The following CFAP46 variants were observed in gnomAD, a reference collection of about 807,000 sequenced individuals.
The protein encoded by CFAP46 is cilia- and flagella-associated protein 46.
CFAP46 carries 245 observed loss-of-function variants against 325.7 expected under a neutral mutation model. The observed-to-expected ratio is 0.75, with a 90% CI of 0.68 to 0.84. The LOEUF is 0.84. Among genes scored for constraint, CFAP46 ranks in the 40% least tolerant of loss-of-function variants. The probability of loss-of-function intolerance (pLI) is 0.00; values close to 1 mark genes in which losing one functional copy is unlikely to be tolerated. For missense variants in CFAP46, 3,346 were observed against 3,543.0 expected (o/e 0.94, Z 1.41); for synonymous variants, 1,523 against 1,495.9 (o/e 1.02, Z -0.42).
intron 32 of CFAP46, among the ~76,000 whole-genome samples, chr10:132,871,932 T>G (rs1031930753): frequency 6.6e-6 from 1 of 152,254 alleles, no homozygotes. Flanking sequence ...GTGAAAGAGT[T>G]GATCCATGTG....
At chr10:132,819,492 G>A (rs1397229333) in intron 50 of CFAP46, among the ~76,000 whole-genome samples, 2 of 152,162 alleles carry the variant, frequency 1.3e-5, no homozygotes, top group Non-Finnish European at 2.9e-5. Context: ...TTGAAATTAT[G>A]CAACAAAGCT....
In CFAP46 at chr10:132,827,695, G is replaced by A. The variant is rs1423214695; in HGVS notation, c.7117+5663C>T. ...AAGTCATCGCCACAGCGAAGGTCAC[G>A]GCACACCCAGCCCCAGGAGCTTCCC... On this transcript the variant is annotated intron_variant, in intron 50 of 57. Transcript: ENST00000368586. This position sits in a 1 kb window ranked among gnomAD's most constrained non-coding sequence, Gnocchi z 5.7. 6.6e-6 allele frequency among the ~76,000 whole-genome samples: 1 copy of A among 151,998 alleles called. No individual in the cohort carries two copies. The highest frequency in any genetic ancestry group is 2.4e-5 in the African/African-American group (1 of 41,368).
chr10:132,892,734 C>T (rs1849271566), intron 24 of CFAP46, among the ~76,000 whole-genome samples: 1 of 152,230 alleles, frequency 6.6e-6, no homozygotes, highest in Admixed American at 6.5e-5. Context: ...TTCAGCGCCG[C>T]TTGAATCGAT....
chr10:132,916,420 G>A (rs1483110283), intron 17 of CFAP46, 129 bp downstream of exon 17: 35 of 999,044 alleles, frequency 3.5e-5, no homozygotes, highest in East Asian at 1.2e-4. Flanking sequence ...CGATGGACAC[G>A]TCCCCCACGC....
chr10:132,871,467 G>A (rs1490513076), intron 32 of CFAP46, among the ~76,000 whole-genome samples: 1 of 152,240 alleles, frequency 6.6e-6, no homozygotes, highest in Non-Finnish European at 1.5e-5. Flanking sequence ...CACCATTCTA[G>A]ATCCCATTAA....
intron 11 of CFAP46, among the ~76,000 whole-genome samples, chr10:132,923,220 CGCCCTGGCCTCG>C (rs1849755121): frequency 8.0e-6 from 1 of 124,722 alleles, no homozygotes; most frequent in African/African-American, 3.1e-5. Flanking sequence ...GTGCCCCGGA[CGCCCTGGCCTCG>C]AGCAGCCATG....
rs1353793831 is a variant in CFAP46, at chr10:132,929,578, T to C, written c.966+127A>G. On this transcript the variant is annotated intron_variant, in intron 9 of 57. Transcript: ENST00000368586. ...AACACAGGTAGGAAAGACGGCAATG[T>C]GCCAACCACGGACCGAAGCCCTGGG... 3 of 895,508 alleles carry C rather than the reference T, an allele frequency of 3.4e-6. No homozygotes were observed. In the Admixed American group the frequency reaches 5.1e-5, roughly 15 times the overall value. 55.5% of individuals were successfully genotyped at this position (895,508 alleles called of 1,614,324 possible).
intron 35 of CFAP46, among the ~76,000 whole-genome samples, chr10:132,863,858 AGAGACCTGCACACACCTGTCCCCCT>A (rs1234930750): frequency 6.0e-4 from 72 of 120,672 alleles, no homozygotes; most frequent in South Asian, 3.5e-3. Flanking sequence ...CCCTGCTATC[AGAGACCTGCACACACCTGTCCCCCT>A]GAGACCTGCA....
At chr10:132,836,720 G>T (rs1848254752) in intron 45 of CFAP46, 97 bp downstream of exon 45, 1 of 1,006,130 alleles carries the variant, frequency 9.9e-7, no homozygotes, top group Non-Finnish European at 1.6e-6. Context: ...CCTCCCTGGG[G>T]TGGGGCTGAG....
Position 132,916,636 on chromosome 10 carries a change from C to T in CFAP46, c.2033G>A (p.Arg678Gln), listed in dbSNP as rs180723605. The T allele has an allele frequency of 3.4e-5, 53 of 1,537,624 alleles. No individual in the cohort carries two copies. The Admixed American group carries it at 8.0e-4, about 23-fold the overall frequency. Reference protein sequence around the residue: ...LRSEGVELNDRAIPPEDLSQH... With the variant: ...LRSEGVELNDQAIPPEDLSQH... ...GCTCAGGTCTTCGGGGGGGATGGCC[C>T]GGTCATTCAGCTCTACACCTTCTGA... The change falls in exon 17 of 58, where the codon CGG becomes CAG. Residue 678 changes from arginine (R) to glutamine (Q), a missense_variant. By Grantham distance (43) the Arg-to-Gln change is conservative. Coordinates refer to ENST00000368586, the MANE Select transcript of CFAP46 (RefSeq NM_001200049.3).
chr10:132,821,418 A>C lies in CFAP46; in HGVS notation c.7118-6504T>G, dbSNP rs1487962446. Among the ~76,000 whole-genome samples, 4 of 64,140 alleles carry C rather than the reference A, an allele frequency of 6.2e-5. No homozygotes were observed. The East Asian group carries it at 2.2e-3, about 35-fold the overall frequency. The allele number at this position is 64,140 out of a possible 152,430, so 42.1% of individuals were successfully genotyped here. A position where few individuals can be genotyped will look rare whatever the true frequency, so the allele number is the denominator to read the frequency against. On this transcript the variant is annotated intron_variant, in intron 50 of 57. Transcript: ENST00000368586. ...CTGTGTGTGTGCTGTGTGCTGTGTG[A>C]GCGCTGATGTGTGCTGTGTGAGTGC...
intron 21 of CFAP46, 79 bp from the exon 22 acceptor site, chr10:132,908,713 G>A (rs909216955): frequency 2.9e-5 from 41 of 1,432,326 alleles, no homozygotes; most frequent in East Asian, 2.2e-4. Context: ...CACGGACCAC[G>A]CAGCGCATGT....
chr10:132,899,073 C>A lies in CFAP46; in HGVS notation c.3105G>T (p.Arg1035=). ...GTGGGAGCCAGGCGTTCCAGTAATG[C>A]CGCGCGGCCAGCATCACCAGGGCGC... ...GSSALVMLAA[R]HYWNAWLPLL... The change falls in exon 24 of 58, where the codon CGG becomes CGT. Residue 1035 remains arginine, a synonymous_variant. Transcript: ENST00000368586. 1 of 1,550,514 alleles carries A rather than the reference C, an allele frequency of 6.4e-7. No homozygotes were observed. Among genetic ancestry groups the A allele is most frequent in the Non-Finnish European group, 8.7e-7 (1 of 1,146,990 alleles).
chr10:132,871,572 T>C (rs1286331416), intron 32 of CFAP46, among the ~76,000 whole-genome samples: 1 of 152,166 alleles, frequency 6.6e-6, no homozygotes, highest in Non-Finnish European at 1.5e-5. Flanking sequence ...CTTTGAAGGA[T>C]CCAAGATTTC....
chr10:132,875,978 A>G (rs894879175), intron 31 of CFAP46, among the ~76,000 whole-genome samples: 3 of 152,260 alleles, frequency 2.0e-5, no homozygotes, highest in Admixed American at 6.5e-5. Flanking sequence ...ATGGCTGCTC[A>G]TGTGATTTTC....
chr10:132,908,288 TG>T, intron 22 of CFAP46, 179 bp downstream of exon 22: 1 of 693,920 alleles, frequency 1.4e-6, no homozygotes, highest in Non-Finnish European at 2.4e-6. Context: ...CTGCCCGTTT[TG>T]GGGACCTGGT....
chr10:132,849,967 T>C (rs1848508987), intron 41 of CFAP46, among the ~76,000 whole-genome samples: 2 of 152,166 alleles, frequency 1.3e-5, no homozygotes, highest in Non-Finnish European at 2.9e-5. Flanking sequence ...GCGGGCCGCG[T>C]GCTGGGGCGG....
rs1298226426 is a variant in CFAP46, at chr10:132,869,606, TTA to T, written c.4512-236_4512-235del. Among the ~76,000 whole-genome samples the T allele has an allele frequency of 6.6e-6, 1 of 152,174 alleles. No individual in the cohort carries two copies. Among genetic ancestry groups the T allele is most frequent in the Non-Finnish European group, 1.5e-5 (1 of 68,014 alleles). ...TCCTTCACAGATCTCGTGCGAGGCA[TTA>T]TCTGTTGCCTCCTGGACGCCGTCCG... On this transcript the variant is annotated intron_variant, in intron 32 of 57. Transcript: ENST00000368586. This position sits in a 1 kb window ranked among gnomAD's most constrained non-coding sequence, Gnocchi z 6.2.
intron 50 of CFAP46, among the ~76,000 whole-genome samples, chr10:132,831,914 TTTTGTTTTTATTGA>T (rs1848153559): frequency 6.6e-6 from 1 of 152,220 alleles, no homozygotes; most frequent in Non-Finnish European, 1.5e-5. Flanking sequence ...GTTTTTCTTG[TTTTGTTTTTATTGA>T]TTACTTGAGG....
Sources: allele counts gnomAD v4.1 joint callset (sites outside exome capture counted in the v4.1 genomes callset), GRCh38; gene constraint gnomAD v4.1.1; non-coding constraint Gnocchi (gnomAD v3.1); transcripts MANE v1.5; gene names NCBI Gene and HGNC (gene_info 2026-07-23, HGNC 2026-07-21).